The following RBM17 variants were observed in gnomAD, a reference collection of about 807,000 sequenced individuals.
RBM17 encodes RNA binding motif protein 17.
In RBM17, 7 loss-of-function variants were observed where a neutral mutation model predicts 53.2. The ratio of observed to expected loss-of-function variants is 0.13; its 90% CI spans 0.07 to 0.25. RBM17 has a LOEUF of 0.25. Among genes scored for constraint, RBM17 ranks in the 10% least tolerant of loss-of-function variants. The pLI is 1.00. For missense variants in RBM17, 257 were observed against 496.7 expected, an observed-to-expected ratio of 0.52 and a Z score of 4.59; for synonymous variants, 167 against 178.1, an observed-to-expected ratio of 0.94 and a Z score of 0.50.
chr10:6,098,563 GTTTTTTTTT>G (rs398012715), intron 2 of RBM17, among the ~76,000 whole-genome samples: 10 of 46,666 alleles, frequency 2.1e-4, no homozygotes, highest in East Asian at 1.7e-3. Context: ...CAGGTTTTTT[GTTTTTTTTT>G]TTTTTTTTTT....
rs1840853154 is a variant in RBM17, at chr10:6,112,406, C to A, written c.856+45C>A. 5.0e-6 allele frequency: 8 copies of A among 1,607,240 alleles called. No homozygotes were observed. Among genetic ancestry groups the A allele is most frequent in the Middle Eastern group, 3.3e-4 (2 of 6,054 alleles). On this transcript the variant is annotated intron_variant, in intron 8 of 11. Transcript: ENST00000379888. This position sits in a 1 kb window ranked among gnomAD's most constrained non-coding sequence, Gnocchi z 4.4. ...TGTGACTAGAGGGAAAGGACTGGCC[C>A]CATCCATATCAGACATGGCCAGTCT...
At position 6,117,220 on chromosome 10, in the gene RBM17, C is replaced by T. The variant is rs986035447; in HGVS notation, c.*1664C>T. ...CAACTCATACTACTTGATTTCCGTT[C>T]GCATGAGGACAGCTTGGTGTGTGCC... On this transcript the variant is annotated 3_prime_UTR_variant, in exon 12 of 12. Transcript: ENST00000379888. 32 of 152,274 alleles carry T rather than the reference C, an allele frequency of 2.1e-4. No homozygotes were observed. Among genetic ancestry groups the T allele is most frequent in the African/African-American group, 6.8e-4 (28 of 41,410 alleles). 9.4% of individuals were successfully genotyped at this position (152,274 alleles called of 1,614,324 possible).
At chr10:6,105,204 G>C in intron 4 of RBM17, 107 bp downstream of exon 4, 10 of 1,004,332 alleles carry the variant, frequency 1.0e-5, no homozygotes, top group Non-Finnish European at 1.5e-5. Flanking sequence ...ATTGTCATGG[G>C]TGATCTGAGC....
chr10:6,113,877 ATGTTTTAG>A, intron 9 of RBM17, 164 bp from the exon 10 acceptor site: 1 of 598,976 alleles, frequency 1.7e-6, no homozygotes, highest in East Asian at 2.8e-5. Context: ...GGCTTAATAT[ATGTTTTAG>A]TGTTTTAAGA....
intron 1 of RBM17, among the ~76,000 whole-genome samples, chr10:6,096,611 G>A (rs1840578898): frequency 6.6e-6 from 1 of 152,016 alleles, no homozygotes; most frequent in Non-Finnish European, 1.5e-5. Context: ...TTTTTCCCTA[G>A]GAGTACGTTT....
intron 3 of RBM17, among the ~76,000 whole-genome samples, chr10:6,102,679 C>T (rs1285262804): frequency 6.6e-6 from 1 of 152,128 alleles, no homozygotes; most frequent in African/African-American, 2.4e-5. Context: ...ATAGTTTTCA[C>T]GATCAGTTTT....
intron 2 of RBM17, among the ~76,000 whole-genome samples, chr10:6,097,682 A>G (rs1213398311): frequency 6.6e-6 from 1 of 152,176 alleles, no homozygotes; most frequent in Admixed American, 6.5e-5. Flanking sequence ...AAAACAAACA[A>G]ACAAACAAAC....
At position 6,112,540 on chromosome 10, in the gene RBM17, C is replaced by G. The variant is rs988383262; in HGVS notation, c.856+179C>G. On this transcript the variant is annotated intron_variant, in intron 8 of 11. Transcript: ENST00000379888. This position sits in a 1 kb window ranked among gnomAD's most constrained non-coding sequence, Gnocchi z 4.4. The stretch of plus-strand genomic sequence containing the variant: ...GTCCTGTTCATATGATGCACTGCCA[C>G]TTCCGTTTTGTGAAACCAGGAATCC... 25 of 680,546 alleles carry G rather than the reference C, an allele frequency of 3.7e-5. No homozygotes were observed. In the African/African-American group the frequency reaches 4.2e-4, roughly 11 times the overall value. 42.2% of individuals were successfully genotyped at this position (680,546 alleles called of 1,614,324 possible). A position where few individuals can be genotyped will look rare whatever the true frequency, so the allele number is the denominator to read the frequency against.
chr10:6,104,792 TTTTC>T, intron 3 of RBM17, 135 bp from the exon 4 acceptor site: 1 of 686,032 alleles, frequency 1.5e-6, no homozygotes, highest in Non-Finnish European at 2.4e-6. Flanking sequence ...CTGGTATTTG[TTTTC>T]TTTGTCTTTA....
intron 1 of RBM17, among the ~76,000 whole-genome samples, chr10:6,090,538 A>C (rs1840466513): frequency 6.6e-6 from 1 of 152,220 alleles, no homozygotes; most frequent in South Asian, 2.1e-4. Flanking sequence ...TCTTGAGAGA[A>C]TTGTTGTACA....
At chr10:6,106,362 G>T in intron 5 of RBM17, 124 bp downstream of exon 5, 2 of 659,094 alleles carry the variant, frequency 3.0e-6, no homozygotes, top group Non-Finnish European at 5.3e-6. Context: ...TTTTCTTTCT[G>T]GAATCCCAGC....
chr10:6,092,931 A>G (rs1019761160), intron 1 of RBM17, among the ~76,000 whole-genome samples: 4 of 152,276 alleles, frequency 2.6e-5, no homozygotes, highest in Non-Finnish European at 2.9e-5. Context: ...CAGCAAATCA[A>G]CTGGAATTGT....
intron 1 of RBM17, among the ~76,000 whole-genome samples, chr10:6,095,315 C>T (rs143144670): frequency 1.3e-5 from 2 of 152,084 alleles, no homozygotes; most frequent in East Asian, 1.9e-4. Flanking sequence ...CGGGTTCAGG[C>T]GATTATCATG....
At chr10:6,102,845 G>A (rs866180932) in intron 3 of RBM17, among the ~76,000 whole-genome samples, 19 of 152,008 alleles carry the variant, frequency 1.2e-4, no homozygotes, top group African/African-American at 4.4e-4. Context: ...CTGTCACCAC[G>A]CTGGAGAGCA....
chr10:6,098,563 G>GTC lies in RBM17; in HGVS notation c.123+1376_123+1377insCT, dbSNP rs1554834988. On this transcript the variant is annotated intron_variant, in intron 2 of 11. Transcript: ENST00000379888. ...AATTTCCGTAATACACAGGTTTTTTGTTTTTTTTTTTTTTTTTTTTTTTTT... is the reference window on the plus strand; with the variant it reads ...AATTTCCGTAATACACAGGTTTTTTGTCTTTTTTTTTTTTTTTTTTTTTTTTT... Among the ~76,000 whole-genome samples, 150 of 46,670 alleles carry GTC rather than the reference G, an allele frequency of 3.2e-3. 11 individuals are homozygous for GTC. The highest frequency in any genetic ancestry group is 5.5e-3 in the Non-Finnish European group (124 of 22,540). The allele number at this position is 46,670 out of a possible 152,430, so 30.6% of individuals were successfully genotyped here.
chr10:6,093,516 G>C (rs541378556), intron 1 of RBM17, among the ~76,000 whole-genome samples: 4 of 152,194 alleles, frequency 2.6e-5, no homozygotes, highest in African/African-American at 9.7e-5. Flanking sequence ...ACCGCAGCCG[G>C]CCCATTATTA....
rs371294657 is a variant in RBM17, at chr10:6,112,180, T to G, written c.705-30T>G. ...TATCTCCAGTTGACGATGTCAAGGC[T>G]AAGAGTCCTTTCCCTTCTTCTCCTG... On this transcript the variant is annotated intron_variant, in intron 7 of 11. Transcript: ENST00000379888. The surrounding 1 kb of genome is among the most constrained non-coding windows in gnomAD (Gnocchi z 4.4). The G allele has an allele frequency of 4.4e-6, 7 of 1,604,454 alleles. No individual in the cohort carries two copies. The African/African-American group carries it at 9.4e-5, about 21-fold the overall frequency.
At position 6,100,343 on chromosome 10, in the gene RBM17, G is replaced by A. The variant is rs866360793; in HGVS notation, c.124-928G>A. Among the ~76,000 whole-genome samples the A allele has an allele frequency of 7.2e-5, 11 of 152,178 alleles. No individual in the cohort carries two copies. The South Asian group carries it at 8.3e-4, about 11-fold the overall frequency. On this transcript the variant is annotated intron_variant, in intron 2 of 11. Coordinates refer to ENST00000379888, the MANE Select transcript of RBM17 (RefSeq NM_032905.5). ...TAGCATTGCTGTTAGACGGCCTGACGCAGTGTGCCTGCTGTGTGTTGCAGG... is the reference window on the plus strand; with the variant it reads ...TAGCATTGCTGTTAGACGGCCTGACACAGTGTGCCTGCTGTGTGTTGCAGG...
At chr10:6,110,227 G>A (rs1033818418) in intron 7 of RBM17, 100 bp downstream of exon 7, 2 of 1,109,002 alleles carry the variant, frequency 1.8e-6, no homozygotes, top group Admixed American at 2.7e-5. Flanking sequence ...GGACATTCAG[G>A]ACCCTTGGTG....
Sources: gnomAD v4.1 joint callset for allele counts (sites outside exome capture counted in the v4.1 genomes callset) on GRCh38, gnomAD v4.1.1 for gene constraint, Gnocchi (gnomAD v3.1) non-coding constraint, MANE v1.5 for transcripts, NCBI Gene and HGNC (gene_info 2026-07-23, HGNC 2026-07-21) for gene names.